Variants in TBL1XR1 observed in about 807,000 individuals in gnomAD.
The protein encoded by TBL1XR1 is F-box-like/WD repeat-containing protein TBL1XR1.
Under a neutral mutation model 66.9 loss-of-function variants are expected in TBL1XR1, and 5 were observed. The observed-to-expected ratio is 0.07, with a 90% CI of 0.04 to 0.16. The LOEUF (loss-of-function observed/expected upper bound fraction) is 0.16. Ranked by LOEUF, TBL1XR1 falls within the 10% of genes least tolerant of loss-of-function variation. TBL1XR1 has a pLI of 1.00. For synonymous variants in TBL1XR1, 210 were observed against 206.0 expected, an observed-to-expected ratio of 1.02 and a Z score of -0.17; for missense variants, 238 against 623.2, an observed-to-expected ratio of 0.38 and a Z score of 6.58.
At chr3:177,057,775 T>C (rs963431218) in intron 3 of TBL1XR1, among the ~76,000 whole-genome samples, 1 of 152,126 alleles carries the variant, frequency 6.6e-6, no homozygotes, top group Admixed American at 6.6e-5. Flanking sequence ...AATCTGATAG[T>C]ACCTCTGTAA....
At chr3:177,085,228 A>T (rs922798317) in intron 2 of TBL1XR1, among the ~76,000 whole-genome samples, 1 of 152,216 alleles carries the variant, frequency 6.6e-6, no homozygotes, top group Admixed American at 6.5e-5. Context: ...GAAGCACTAC[A>T]AAGGTCTTGA....
At position 177,051,707 on chromosome 3, in the gene TBL1XR1, C is replaced by A; in HGVS notation, c.224G>T (p.Gly75Val). The change falls in exon 5 of 16, where the codon GGT (glycine) becomes GTT (valine). Residue 75 changes from glycine (G) to valine (V), a missense_variant. Physicochemically the swap from Gly to Val is moderately radical, Grantham distance 109. This residue lies in a region of TBL1XR1 where 80 missense variants were observed against 100.5 expected (regional missense o/e 0.80). Transcript: ENST00000457928. ...SINEDGTLFD[G>V]RPIESLSLID... is the part of the protein sequence containing the mutation. ...CAGGGACAGAGACTCTATTGGTCGA[C>A]CATCAAACAAGGTACCATCCTGGAT... The A allele has an allele frequency of 6.3e-7, 1 of 1,584,146 alleles. No homozygotes were observed. The highest frequency in any genetic ancestry group is 1.7e-5 in the Admixed American group (1 of 57,482).
At chr3:177,034,395 C>A in intron 12 of TBL1XR1, 70 bp from the exon 13 acceptor site, 2 of 1,146,028 alleles carry the variant, frequency 1.7e-6, no homozygotes, top group East Asian at 2.8e-5. Context: ...ATTATTTTGA[C>A]ACTTAAAATA....
chr3:177,050,714 G>C (rs1716949957), intron 5 of TBL1XR1, 104 bp from the exon 6 acceptor site: 1 of 1,259,050 alleles, frequency 7.9e-7, no homozygotes, highest in Admixed American at 2.2e-5. Context: ...CGCACACAGT[G>C]TAACATTTTT....
intron 4 of TBL1XR1, among the ~76,000 whole-genome samples, chr3:177,052,696 T>A (rs1384791163): frequency 6.6e-6 from 1 of 152,186 alleles, no homozygotes; most frequent in Non-Finnish European, 1.5e-5. Context: ...CTAATTCTAG[T>A]AATAATCATT....
upstream of TBL1XR1, among the ~76,000 whole-genome samples, chr3:177,199,966 G>A (rs1023007380): frequency 6.6e-6 from 1 of 152,000 alleles, no homozygotes; most frequent in Non-Finnish European, 1.5e-5. Context: ...AGAGAGGAGA[G>A]AGCAGGAGTA....
intron 2 of TBL1XR1, among the ~76,000 whole-genome samples, chr3:177,067,287 G>A (rs1192841715): frequency 6.6e-6 from 1 of 152,124 alleles, no homozygotes; most frequent in African/African-American, 2.4e-5. Context: ...TTATTTTTAG[G>A]ATTTCCCAAA....
intron 1 of TBL1XR1, among the ~76,000 whole-genome samples, chr3:177,106,336 G>C (rs1354034947): frequency 6.6e-6 from 1 of 152,172 alleles, no homozygotes; most frequent in Non-Finnish European, 1.5e-5. Flanking sequence ...ATTCATCAAG[G>C]AAGTTCTAGT....
At chr3:177,198,030 G>T (rs1737148692), upstream of TBL1XR1, among the ~76,000 whole-genome samples, 2 of 151,856 alleles carry the variant, frequency 1.3e-5, no homozygotes. Flanking sequence ...TGGGGGCTGG[G>T]CGCACACGCG....
chr3:177,169,401 T>A (rs1045307952), intron 1 of TBL1XR1, among the ~76,000 whole-genome samples: 2 of 152,188 alleles, frequency 1.3e-5, no homozygotes, highest in Non-Finnish European at 2.9e-5. Context: ...AACAATCAGA[T>A]TGACATTTCA....
chr3:177,090,443 C>CTGAGGCCAGGAGGAGTGCT (rs1722680333), intron 2 of TBL1XR1, among the ~76,000 whole-genome samples: 1 of 150,466 alleles, frequency 6.6e-6, no homozygotes, highest in Admixed American at 6.7e-5. Flanking sequence ...CTTTGGCAGG[C>CTGAGGCCAGGAGGAGTGCT]TGAGGCCAGG....
chr3:177,105,162 T>C (rs1724717796), intron 1 of TBL1XR1, among the ~76,000 whole-genome samples: 1 of 152,252 alleles, frequency 6.6e-6, no homozygotes, highest in Non-Finnish European at 1.5e-5. Context: ...AAGTTATTTT[T>C]TCTTTAAAGT....
intron 1 of TBL1XR1, chr3:177,193,958 G>T (rs1260555434): frequency 2.0e-5 from 3 of 152,152 alleles, no homozygotes; most frequent in Non-Finnish European, 2.9e-5. Flanking sequence ...TTAGCCTAGG[G>T]TATAAACAGC....
At chr3:177,114,381 G>C (rs1433362098) in intron 1 of TBL1XR1, among the ~76,000 whole-genome samples, 1 of 151,848 alleles carries the variant, frequency 6.6e-6, no homozygotes, top group Non-Finnish European at 1.5e-5. Context: ...ATAGCTCACT[G>C]CAGCCTTGAC....
At chr3:177,080,631 AT>A (rs1007422137) in intron 2 of TBL1XR1, among the ~76,000 whole-genome samples, 3 of 151,864 alleles carry the variant, frequency 2.0e-5, no homozygotes, top group African/African-American at 7.3e-5. Flanking sequence ...AAAAATATAT[AT>A]TTTTTTTCAG....
At chr3:177,108,595 G>A (rs62296571) in intron 1 of TBL1XR1, among the ~76,000 whole-genome samples, 5,812 of 152,198 alleles carry the variant, frequency 0.038, 223 homozygotes, top group African/African-American at 0.087. Flanking sequence ...TTTTCGCACA[G>A]AAGTAATACT....
At position 177,078,753 on chromosome 3, in the gene TBL1XR1, G is replaced by C. The variant is rs1170105414; in HGVS notation, c.-45-13731C>G. ...AGGTCAGGAGATTGAGACCATCCTG[G>C]CTAACACGGTGAAACCCCGTCTCTA... is the stretch of plus-strand genomic sequence containing the variant. On this transcript the variant is annotated intron_variant, in intron 2 of 15. Transcript: ENST00000457928. The C allele has an allele frequency of 5.3e-5, 8 of 151,700 alleles. No individual in the cohort carries two copies. In the East Asian group the frequency reaches 1.6e-3, roughly 30 times the overall value. The allele number at this position is 151,700 out of a possible 1,614,324, so 9.4% of individuals were successfully genotyped here. A position where few individuals can be genotyped will look rare whatever the true frequency, so the allele number is the denominator to read the frequency against.
intron 1 of TBL1XR1, among the ~76,000 whole-genome samples, chr3:177,114,507 T>C (rs1254451707): frequency 1.3e-5 from 2 of 151,754 alleles, no homozygotes; most frequent in Non-Finnish European, 2.9e-5. Context: ...CACACTGTTG[T>C]CCAGGCTAGT....
chr3:177,119,168 C>T (rs1309653994), intron 1 of TBL1XR1, among the ~76,000 whole-genome samples: 1 of 152,114 alleles, frequency 6.6e-6, no homozygotes, highest in African/African-American at 2.4e-5. Flanking sequence ...GATGGGGTTT[C>T]ACCATGTTGG....
Sources: gnomAD v4.1 joint callset for allele counts (sites outside exome capture counted in the v4.1 genomes callset) on GRCh38, gnomAD v4.1.1 for gene constraint, gnomAD v4.1.1 regional missense constraint, MANE v1.5 for transcripts, NCBI Gene and HGNC (gene_info 2026-07-23, HGNC 2026-07-21) for gene names.